Variants in ARHGAP24 observed in about 807,000 individuals in gnomAD.
The protein encoded by ARHGAP24 is rho GTPase-activating protein 24.
ARHGAP24 carries 50 observed loss-of-function variants against 76.4 expected under a neutral mutation model. The ratio of observed to expected loss-of-function variants is 0.65; its 90% CI spans 0.52 to 0.83. ARHGAP24 has a LOEUF of 0.83. Ranked by LOEUF, ARHGAP24 falls within the 40% of genes least tolerant of loss-of-function variation. The pLI is 0.00. For missense variants in ARHGAP24, 930 were observed against 914.2 expected (o/e 1.02, Z -0.22); for synonymous variants, 345 against 323.3 (o/e 1.07, Z -0.72).
chr4:85,568,785 C>T (rs982060255), intron 1 of ARHGAP24, among the ~76,000 whole-genome samples: 1 of 152,030 alleles, frequency 6.6e-6, no homozygotes. Context: ...GAAAGAAGTG[C>T]GTATTGAATG....
chr4:85,516,396 A>G (rs1724503018), intron 1 of ARHGAP24, among the ~76,000 whole-genome samples: 2 of 152,088 alleles, frequency 1.3e-5, no homozygotes, highest in Non-Finnish European at 2.9e-5. Context: ...ATGCCATAGA[A>G]ATTTAACTCT....
At chr4:85,871,566 C>G (rs910003369) in intron 3 of ARHGAP24, among the ~76,000 whole-genome samples, 3 of 152,154 alleles carry the variant, frequency 2.0e-5, no homozygotes, top group Non-Finnish European at 4.4e-5. Context: ...AATACAACTT[C>G]CCCTTATTTG....
intron 1 of ARHGAP24, among the ~76,000 whole-genome samples, chr4:85,517,256 A>T (rs1241067823): frequency 6.6e-6 from 1 of 152,146 alleles, no homozygotes; most frequent in Non-Finnish European, 1.5e-5. Flanking sequence ...TTTTTCACCT[A>T]TCCCTTATTT....
At chr4:85,674,973 A>G (rs1240868852) in intron 2 of ARHGAP24, among the ~76,000 whole-genome samples, 2 of 152,218 alleles carry the variant, frequency 1.3e-5, no homozygotes, top group Non-Finnish European at 2.9e-5. Context: ...GGGCAGCTGT[A>G]ACAATTTGTA....
chr4:85,905,876 A>AT (rs1157577982), intron 3 of ARHGAP24, among the ~76,000 whole-genome samples: 1 of 152,118 alleles, frequency 6.6e-6, no homozygotes, highest in Non-Finnish European at 1.5e-5. Flanking sequence ...GTTGCTTTTC[A>AT]TATTTGTTTC....
chr4:85,545,253 C>G (rs1725874452), intron 1 of ARHGAP24, among the ~76,000 whole-genome samples: 2 of 152,052 alleles, frequency 1.3e-5, no homozygotes. Context: ...GCACCCACCA[C>G]CACACCGGGC....
At chr4:85,906,867 C>T (rs527720039) in intron 3 of ARHGAP24, among the ~76,000 whole-genome samples, 7 of 152,134 alleles carry the variant, frequency 4.6e-5, no homozygotes, top group African/African-American at 1.7e-4. Flanking sequence ...ATATCTTAGG[C>T]GGATTCCTCT....
intron 2 of ARHGAP24, among the ~76,000 whole-genome samples, chr4:85,686,944 A>T (rs1723444864): frequency 6.6e-6 from 1 of 152,086 alleles, no homozygotes; most frequent in Non-Finnish European, 1.5e-5. Flanking sequence ...CCCTTGCCCA[A>T]TGTAGTAATC....
chr4:85,710,856 T>C (rs1302213986), intron 2 of ARHGAP24, among the ~76,000 whole-genome samples: 1 of 152,054 alleles, frequency 6.6e-6, no homozygotes, highest in African/African-American at 2.4e-5. Context: ...TTATACACTC[T>C]TGGTGGGACA....
intron 2 of ARHGAP24, among the ~76,000 whole-genome samples, chr4:85,599,060 C>T (rs1007741798): frequency 1.3e-5 from 2 of 152,024 alleles, no homozygotes; most frequent in South Asian, 2.1e-4. Flanking sequence ...TTGAATTCAA[C>T]GAGCCACATT....
chr4:85,646,966 A>T (rs1407769332), intron 2 of ARHGAP24, among the ~76,000 whole-genome samples: 2 of 152,142 alleles, frequency 1.3e-5, no homozygotes, highest in Non-Finnish European at 2.9e-5. Flanking sequence ...AACTTAGAAG[A>T]GGAGATAAAC....
chr4:85,498,685 C>T (rs961194989), intron 1 of ARHGAP24, among the ~76,000 whole-genome samples: 4 of 152,180 alleles, frequency 2.6e-5, no homozygotes, highest in African/African-American at 4.8e-5. Flanking sequence ...GAATTAGAAT[C>T]GTGGGGAATT....
chr4:85,553,419 CGTTTTACAGAGTGCTGATTGGTCT>C (rs1726226031), intron 1 of ARHGAP24, among the ~76,000 whole-genome samples: 1 of 152,134 alleles, frequency 6.6e-6, no homozygotes, highest in East Asian at 1.9e-4. Flanking sequence ...CTGATTGGTC[CGTTTTACAGAGTGCTGATTGGTCT>C]GTTTTACAGA....
At chr4:85,551,480 T>A (rs1216870903) in intron 1 of ARHGAP24, among the ~76,000 whole-genome samples, 1 of 152,228 alleles carries the variant, frequency 6.6e-6, no homozygotes, top group Non-Finnish European at 1.5e-5. Flanking sequence ...GATATCGGCC[T>A]GACATTTTCT....
chr4:85,541,325 T>G (rs989472000), intron 1 of ARHGAP24, among the ~76,000 whole-genome samples: 3 of 137,230 alleles, frequency 2.2e-5, no homozygotes, highest in Non-Finnish European at 4.5e-5. Flanking sequence ...GGCTAATTTT[T>G]TGTATTTTTA....
At chr4:85,879,364 C>T (rs1322873405) in intron 3 of ARHGAP24, among the ~76,000 whole-genome samples, 2 of 152,086 alleles carry the variant, frequency 1.3e-5, no homozygotes, top group East Asian at 1.9e-4. Context: ...ATCACCATCT[C>T]GCTACTCTGT....
intron 3 of ARHGAP24, among the ~76,000 whole-genome samples, chr4:85,861,080 T>C (rs1363154887): frequency 6.6e-6 from 1 of 151,916 alleles, no homozygotes; most frequent in East Asian, 1.9e-4. Flanking sequence ...TTTCCTTTTA[T>C]ACATGGTAAA....
intron 2 of ARHGAP24, among the ~76,000 whole-genome samples, chr4:85,654,516 C>G (rs1470564076): frequency 6.6e-6 from 1 of 152,078 alleles, no homozygotes; most frequent in African/African-American, 2.4e-5. Flanking sequence ...ATCCATGACC[C>G]CAATGAAAAG....
chr4:85,827,977 T>C, intron 3 of ARHGAP24: 1 of 1,289,696 alleles, frequency 7.8e-7, no homozygotes, highest in Non-Finnish European at 1.0e-6. Flanking sequence ...TTGTGCAAGG[T>C]GAGAGCTGGG....
Sources: gnomAD v4.1 joint callset for allele counts (sites outside exome capture counted in the v4.1 genomes callset) on GRCh38, gnomAD v4.1.1 for gene constraint, MANE v1.5 for transcripts, NCBI Gene and HGNC (gene_info 2026-07-23, HGNC 2026-07-21) for gene names.